Variants in PARVA observed in about 807,000 individuals in gnomAD.
PARVA encodes the protein alpha-parvin.
A neutral mutation model predicts 52.6 loss-of-function variants in PARVA; 25 were observed. The ratio of observed to expected loss-of-function variants is 0.48; its 90% CI spans 0.35 to 0.66. The LOEUF is 0.66. PARVA is among the 30% of genes least tolerant of loss of function. PARVA has a pLI of 0.01. For missense variants in PARVA, 373 were observed against 450.9 expected (o/e 0.83, Z 1.56); for synonymous variants, 185 against 179.1 (o/e 1.03, Z -0.26).
intron 7 of PARVA, 50 bp from the exon 8 acceptor site, chr11:12,511,464 A>G: frequency 6.3e-7 from 1 of 1,594,492 alleles, no homozygotes; most frequent in Non-Finnish European, 8.6e-7. Flanking sequence ...CTGGCCTCTT[A>G]TAAGGGACAA....
intron 6 of PARVA, among the ~76,000 whole-genome samples, chr11:12,504,946 C>G (rs1278774457): frequency 2.0e-5 from 3 of 152,144 alleles, no homozygotes; most frequent in Admixed American, 6.5e-5. Context: ...GAGACCCCAA[C>G]TGGCCATGTC....
chr11:12,443,169 CTTTTTT>C (rs1180380526), intron 1 of PARVA, among the ~76,000 whole-genome samples: 10 of 78,330 alleles, frequency 1.3e-4, no homozygotes, highest in Admixed American at 9.8e-4. Flanking sequence ...CGCCCCCCTT[CTTTTTT>C]TTTTTTTTTT....
rs193230377 is a variant in PARVA, at chr11:12,409,857, A to G, written c.136+32074A>G. Among the ~76,000 whole-genome samples the G allele has an allele frequency of 5.0e-4, 76 of 152,374 alleles. 1 individual carries two copies. The highest frequency in any genetic ancestry group is 9.4e-4 in the Non-Finnish European group (64 of 68,036). On this transcript the variant is annotated intron_variant, in intron 1 of 12. Transcript: ENST00000334956. ...GAAGTTTTTGCACCAAACATTGTCA[A>G]CTGCAGTTTAGTACATTCCAGTATT... is the stretch of plus-strand genomic sequence containing the variant.
At chr11:12,487,920 TGGAAA>T (rs1318807312) in intron 4 of PARVA, among the ~76,000 whole-genome samples, 1 of 152,172 alleles carries the variant, frequency 6.6e-6, no homozygotes, top group Admixed American at 6.6e-5. Flanking sequence ...GGGACTGCCA[TGGAAA>T]GGAGACAGTT....
intron 1 of PARVA, among the ~76,000 whole-genome samples, chr11:12,440,708 T>C (rs1940454341): frequency 1.3e-5 from 2 of 152,214 alleles, no homozygotes; most frequent in East Asian, 3.9e-4. Flanking sequence ...CTGGAGTCCC[T>C]ATTCCCTTGC....
At chr11:12,441,373 C>T (rs1940464381) in intron 1 of PARVA, among the ~76,000 whole-genome samples, 1 of 151,420 alleles carries the variant, frequency 6.6e-6, no homozygotes, top group Non-Finnish European at 1.5e-5. Flanking sequence ...CTTTTCCTTG[C>T]AGATCACTCT....
intron 4 of PARVA, among the ~76,000 whole-genome samples, chr11:12,486,712 G>A (rs1023044328): frequency 1.1e-4 from 16 of 152,078 alleles, no homozygotes; most frequent in African/African-American, 3.9e-4. Context: ...GGGGCATGGT[G>A]GTGGGCGCCT....
intron 1 of PARVA, among the ~76,000 whole-genome samples, chr11:12,382,293 T>G (rs1300434971): frequency 6.6e-6 from 1 of 152,162 alleles, no homozygotes; most frequent in Non-Finnish European, 1.5e-5. Context: ...CTGTTTGTAA[T>G]AGATTTGTTT....
chr11:12,397,791 C>G (rs1421448293), intron 1 of PARVA, among the ~76,000 whole-genome samples: 1 of 151,564 alleles, frequency 6.6e-6, no homozygotes, highest in African/African-American at 2.4e-5. Flanking sequence ...ACTCCCAAGT[C>G]CCCTGCCCCC....
chr11:12,378,608 A>G (rs1448303519), intron 1 of PARVA, among the ~76,000 whole-genome samples: 3 of 122,918 alleles, frequency 2.4e-5, no homozygotes, highest in Non-Finnish European at 5.0e-5. Flanking sequence ...GGTAGTTTGC[A>G]TGTAAAATAT....
At chr11:12,487,815 G>A (rs564874555) in intron 4 of PARVA, among the ~76,000 whole-genome samples, 1 of 152,332 alleles carries the variant, frequency 6.6e-6, no homozygotes, top group South Asian at 2.1e-4. Context: ...GACTGTGTGT[G>A]TGTGTGTCAA....
At chr11:12,404,454 G>A (rs183140909) in intron 1 of PARVA, among the ~76,000 whole-genome samples, 120 of 152,336 alleles carry the variant, frequency 7.9e-4, no homozygotes, top group Admixed American at 3.9e-3. Context: ...GGCCCAGGAG[G>A]GAAGAGGGAA....
chr11:12,517,189 C>A (rs1589989349), intron 10 of PARVA, among the ~76,000 whole-genome samples: 1 of 152,064 alleles, frequency 6.6e-6, no homozygotes, highest in East Asian at 1.9e-4. Flanking sequence ...TGTGGGCGAC[C>A]TTTCTCAACC....
chr11:12,469,070 C>T (rs191955475), intron 1 of PARVA, among the ~76,000 whole-genome samples: 54 of 152,210 alleles, frequency 3.5e-4, no homozygotes, highest in Admixed American at 7.8e-4. Flanking sequence ...GCAGGGAAAA[C>T]GGATAAATGT....
chr11:12,458,500 C>T (rs1242361903), intron 1 of PARVA, among the ~76,000 whole-genome samples: 1 of 152,244 alleles, frequency 6.6e-6, no homozygotes, highest in Non-Finnish European at 1.5e-5. Flanking sequence ...ATTCTGCAAC[C>T]TGCTCATTCT....
chr11:12,420,534 A>G (rs192197541), intron 1 of PARVA, among the ~76,000 whole-genome samples: 17 of 152,354 alleles, frequency 1.1e-4, no homozygotes, highest in African/African-American at 3.8e-4. Flanking sequence ...ACCTATACCT[A>G]AAAGCACTGA....
chr11:12,504,448 C>T lies in PARVA; in HGVS notation c.657+19C>T. 6.8e-7 allele frequency: 1 copy of T among 1,460,244 alleles called. No individual in the cohort carries two copies. Among genetic ancestry groups the T allele is most frequent in the Non-Finnish European group, 9.6e-7 (1 of 1,040,480 alleles). The allele number at this position is 1,460,244 out of a possible 1,614,324, so 90.5% of individuals were successfully genotyped here. A position where few individuals can be genotyped will look rare whatever the true frequency, so the allele number is the denominator to read the frequency against. On this transcript the variant is annotated intron_variant, in intron 6 of 12. Coordinates refer to ENST00000334956, the MANE Select transcript of PARVA (RefSeq NM_018222.5). ...GGTCCAGGTAAGACAGGTAACACTA[C>T]AAACATCTGTGTCTTTAAAGAGTCG...
chr11:12,396,301 TCAA>T (rs1427240138), intron 1 of PARVA, among the ~76,000 whole-genome samples: 1 of 152,224 alleles, frequency 6.6e-6, no homozygotes, highest in African/African-American at 2.4e-5. Flanking sequence ...ATAAGATAAA[TCAA>T]CAGTGACAAT....
chr11:12,379,489 A>C (rs967155782), intron 1 of PARVA, among the ~76,000 whole-genome samples: 11 of 152,254 alleles, frequency 7.2e-5, no homozygotes, highest in Non-Finnish European at 1.5e-4. Flanking sequence ...TTATTGTAAA[A>C]TATAGTTAGT....
Sources: allele counts gnomAD v4.1 joint callset (sites outside exome capture counted in the v4.1 genomes callset), GRCh38; gene constraint gnomAD v4.1.1; transcripts MANE v1.5; gene names NCBI Gene and HGNC (gene_info 2026-07-23, HGNC 2026-07-21).